MAST2: variants seen among roughly 807,000 people sequenced by gnomAD.
MAST2 encodes the protein microtubule associated serine/threonine kinase 2, also known as microtubule-associated serine/threonine-protein kinase 2.
Under a neutral mutation model 147.4 loss-of-function variants are expected in MAST2, and 70 were observed. The ratio of observed to expected loss-of-function variants is 0.47; its 90% CI spans 0.39 to 0.58. The LOEUF (loss-of-function observed/expected upper bound fraction) is 0.58. Among genes scored for constraint, MAST2 ranks in the 20% least tolerant of loss-of-function variants. The probability of loss-of-function intolerance (pLI) is 0.00; values close to 1 mark genes in which losing one functional copy is unlikely to be tolerated. For synonymous variants in MAST2, 869 were observed against 896.8 expected (o/e 0.97, Z 0.55); for missense variants, 2,080 against 2,302.3 (o/e 0.90, Z 1.98).
intron 5 of MAST2, among the ~76,000 whole-genome samples, chr1:45,995,333 C>G (rs914699575): frequency 6.6e-6 from 1 of 152,114 alleles, no homozygotes; most frequent in Non-Finnish European, 1.5e-5. Context: ...ACTGGGTATT[C>G]TTTGATGTAC....
chr1:45,932,694 CA>C (rs925611852), intron 4 of MAST2, among the ~76,000 whole-genome samples: 15 of 151,670 alleles, frequency 9.9e-5, no homozygotes, highest in African/African-American at 1.5e-4. Context: ...CTCCCCACTC[CA>C]AAAAAAATTT....
At chr1:45,956,689 C>T (rs1259865407) in intron 4 of MAST2, among the ~76,000 whole-genome samples, 1 of 152,166 alleles carries the variant, frequency 6.6e-6, no homozygotes, top group Non-Finnish European at 1.5e-5. Context: ...CCTGTTTTAG[C>T]CACGAAATCA....
rs151310453 is a variant in MAST2 at position 45,989,010 on chromosome 1, T to C, written c.593-8714T>C. ...ATCAAGATCTGGGTTCTAGGAATGC[T>C]TGTTTCTACTGGGGTGTCCTTTTTC... is the stretch of plus-strand genomic sequence containing the variant. On this transcript the variant is annotated intron_variant, in intron 5 of 28. Transcript: ENST00000361297. Among the ~76,000 whole-genome samples the C allele has an allele frequency of 8.9e-4, 136 of 152,358 alleles. 2 individuals carry two copies. The East Asian group carries it at 0.021, about 23-fold the overall frequency.
intron 3 of MAST2, among the ~76,000 whole-genome samples, chr1:45,843,660 TAGAC>T (rs1485689821): frequency 1.3e-5 from 2 of 152,180 alleles, no homozygotes; most frequent in Non-Finnish European, 2.9e-5. Flanking sequence ...TAGATAATGT[TAGAC>T]AGTGAAGTAT....
chr1:45,986,470 C>A (rs1320042109), intron 5 of MAST2, among the ~76,000 whole-genome samples: 2 of 152,104 alleles, frequency 1.3e-5, no homozygotes, highest in Non-Finnish European at 2.9e-5. Context: ...AATCCCAGCA[C>A]TTTGGGAGGC....
intron 4 of MAST2, among the ~76,000 whole-genome samples, chr1:45,891,706 G>C (rs191320026): frequency 2.7e-5 from 4 of 149,824 alleles, no homozygotes; most frequent in Non-Finnish European, 4.4e-5. Flanking sequence ...AATTTGAAAC[G>C]TTTTTGTTCA....
intron 4 of MAST2, among the ~76,000 whole-genome samples, chr1:45,954,530 G>A (rs772270426): frequency 1.3e-5 from 2 of 152,146 alleles, no homozygotes; most frequent in Non-Finnish European, 2.9e-5. Context: ...TAGCTCCGGG[G>A]GCTTCCAGGC....
chr1:45,838,499 A>ACTTT (rs1251670205), intron 3 of MAST2, among the ~76,000 whole-genome samples: 1 of 152,168 alleles, frequency 6.6e-6, no homozygotes, highest in East Asian at 1.9e-4. Context: ...CTGGGATTAC[A>ACTTT]GGTGTCAGCC....
rs116420677 is a variant in MAST2 at position 45,966,021 on chromosome 1, A to G, written c.592+6544A>G. 4.1e-3 allele frequency among the ~76,000 whole-genome samples: 629 copies of G among 152,236 alleles called. 5 individuals are homozygous for G. Among genetic ancestry groups the G allele is most frequent in the African/African-American group, 0.014 (583 of 41,564 alleles). ...CCTAAAAATTATCTGTGCTCTGCCT[A>G]TTTATTTCTTTCTCCCCTTAACTCC... On this transcript the variant is annotated intron_variant, in intron 5 of 28. Transcript: ENST00000361297.
chr1:46,030,593 C>T lies in MAST2; in HGVS notation c.2554-14C>T, dbSNP rs1444417437. 6.3e-7 allele frequency: 1 copy of T among 1,594,904 alleles called. No homozygotes were observed. The highest frequency in any genetic ancestry group is 8.5e-7 in the Non-Finnish European group (1 of 1,174,398). ...TGCCAGAGCCCATCCCCAGCGCATCCCCTGTGCCCACAGGTGTACAGCAGC... is the reference window on the plus strand; with the variant it reads ...TGCCAGAGCCCATCCCCAGCGCATCTCCTGTGCCCACAGGTGTACAGCAGC... On this transcript the variant is annotated splice_polypyrimidine_tract_variant and intron_variant, in intron 21 of 28. Coordinates refer to ENST00000361297, the MANE Select transcript of MAST2 (RefSeq NM_015112.3).
chr1:45,940,354 T>C (rs1157685535), intron 4 of MAST2, among the ~76,000 whole-genome samples: 1 of 152,150 alleles, frequency 6.6e-6, no homozygotes, highest in African/African-American at 2.4e-5. Flanking sequence ...AGTCTCATAC[T>C]TCTTTTGTTA....
chr1:45,829,613 A>G (rs373775536), intron 3 of MAST2, 32 bp downstream of exon 3: 5 of 1,588,604 alleles, frequency 3.1e-6, no homozygotes, highest in South Asian at 1.1e-5. Flanking sequence ...ATTTTGCTCT[A>G]TGAAAAATCC....
In MAST2 at chr1:45,898,615, T is replaced by A. The variant is rs183564773; in HGVS notation, c.500+16220T>A. On this transcript the variant is annotated intron_variant, in intron 4 of 28. Coordinates refer to ENST00000361297, the MANE Select transcript of MAST2 (RefSeq NM_015112.3). ...GTGTCTATTCCTGTCAAGACCCCTT[T>A]GTAGCTCCCAGGGCTACCGGCATCA... Among the ~76,000 whole-genome samples, 7 of 152,314 alleles carry A rather than the reference T, an allele frequency of 4.6e-5. No homozygotes were observed. The East Asian group carries it at 1.4e-3, about 29-fold the overall frequency.
chr1:45,876,482 G>C (rs1476466135), intron 3 of MAST2, among the ~76,000 whole-genome samples: 1 of 152,160 alleles, frequency 6.6e-6, no homozygotes, highest in Non-Finnish European at 1.5e-5. Flanking sequence ...AAGGCTGAAT[G>C]GAATGGGCTT....
intron 5 of MAST2, among the ~76,000 whole-genome samples, chr1:45,966,861 CTTTT>C (rs58072402): frequency 1.1e-4 from 12 of 111,070 alleles, no homozygotes; most frequent in East Asian, 5.4e-4. Flanking sequence ...GGATCTGGGT[CTTTT>C]TTTTTTTTTT....
At chr1:46,013,068 G>T (rs1335716082) in intron 10 of MAST2, among the ~76,000 whole-genome samples, 1 of 151,990 alleles carries the variant, frequency 6.6e-6, no homozygotes, top group South Asian at 2.1e-4. Context: ...ATTGAAAAAT[G>T]ACCTGATCAG....
intron 4 of MAST2, among the ~76,000 whole-genome samples, chr1:45,886,841 T>G (rs530881395): frequency 6.6e-6 from 1 of 152,298 alleles, no homozygotes; most frequent in South Asian, 2.1e-4. Flanking sequence ...TTTTGTTTGT[T>G]TTTGTGACAG....
chr1:45,925,029 T>G (rs1332262712), intron 4 of MAST2, among the ~76,000 whole-genome samples: 1 of 152,208 alleles, frequency 6.6e-6, no homozygotes, highest in East Asian at 1.9e-4. Flanking sequence ...GCAACCCTAG[T>G]AAACCAACAC....
intron 8 of MAST2, among the ~76,000 whole-genome samples, chr1:46,007,062 G>A (rs7532388): frequency 0.2 from 30,418 of 152,166 alleles, 3,552 homozygotes; most frequent in Non-Finnish European, 0.26. Context: ...CTTAACAGCT[G>A]CTGATTAATT....
Sources: allele counts gnomAD v4.1 joint callset (sites outside exome capture counted in the v4.1 genomes callset), GRCh38; gene constraint gnomAD v4.1.1; transcripts MANE v1.5; gene names NCBI Gene and HGNC (gene_info 2026-07-23, HGNC 2026-07-21).